The following GSTA2 variants were observed in gnomAD, a reference collection of about 807,000 sequenced individuals.
The protein encoded by GSTA2 is glutathione S-transferase alpha 2, also known as glutathione S-transferase A2.
GSTA2 carries 27 observed loss-of-function variants against 22.4 expected under a neutral mutation model. That is an observed-to-expected ratio of 1.21 (90% CI 0.89 to 1.67). The LOEUF is 1.67. GSTA2 is among the 40% of genes most tolerant of loss of function. The pLI, the probability that GSTA2 is intolerant of heterozygous loss-of-function variation, is 0.00. For synonymous variants in GSTA2, 121 were observed against 86.8 expected (o/e 1.39, Z -2.19); for missense variants, 302 against 260.2 (o/e 1.16, Z -1.11).
At chr6:52,759,574 T>TTTG (rs1762915635) in intron 1 of GSTA2, among the ~76,000 whole-genome samples, 1 of 81,774 alleles carries the variant, frequency 1.2e-5, no homozygotes, top group Non-Finnish European at 2.4e-5. Flanking sequence ...TTTTTTTTTT[T>TTTG]TTTTTTTTTT....
At chr6:52,750,777 T>C in intron 6 of GSTA2, 78 bp from the exon 7 acceptor site, 1 of 1,561,580 alleles carries the variant, frequency 6.4e-7, no homozygotes, top group African/African-American at 1.4e-5. Context: ...CCAGGGAATC[T>C]GAGTCCCTCC....
At chr6:52,762,129 G>T (rs1398417537) in intron 1 of GSTA2, among the ~76,000 whole-genome samples, 2 of 148,578 alleles carry the variant, frequency 1.3e-5, no homozygotes, top group Non-Finnish European at 2.9e-5. Context: ...ACTGCGGAAG[G>T]CCGCAGGGAC....
chr6:52,755,524 T>A (rs1440048801), intron 3 of GSTA2, among the ~76,000 whole-genome samples: 1 of 152,206 alleles, frequency 6.6e-6, no homozygotes, highest in East Asian at 1.9e-4. Context: ...ACAATATGTT[T>A]ATAAAGCTTC....
chr6:52,757,306 A>G (rs2749006), intron 2 of GSTA2, among the ~76,000 whole-genome samples: 21,601 of 124,104 alleles, frequency 0.17, 4,271 homozygotes, highest in African/African-American at 0.5. Flanking sequence ...ACAGAAAAGC[A>G]TAATGATTCT....
intron 1 of GSTA2, among the ~76,000 whole-genome samples, chr6:52,762,942 T>G (rs976720092): frequency 6.6e-6 from 1 of 152,218 alleles, no homozygotes; most frequent in South Asian, 2.1e-4. Flanking sequence ...AGAATATGAC[T>G]TGTCGTCGAG....
chr6:52,759,286 A>G (rs1467397966), intron 1 of GSTA2, among the ~76,000 whole-genome samples: 1 of 152,184 alleles, frequency 6.6e-6, no homozygotes, highest in African/African-American at 2.4e-5. Context: ...CCCTTGCTCT[A>G]TGCCAGGCTG....
chr6:52,755,515 C>T (rs1317944429), intron 3 of GSTA2, among the ~76,000 whole-genome samples: 1 of 152,160 alleles, frequency 6.6e-6, no homozygotes, highest in South Asian at 2.1e-4. Flanking sequence ...CCAGTCCAAA[C>T]AATATGTTTA....
At chr6:52,761,559 G>C (rs1199395188) in intron 1 of GSTA2, among the ~76,000 whole-genome samples, 6 of 147,204 alleles carry the variant, frequency 4.1e-5, no homozygotes, top group Non-Finnish European at 5.9e-5. Context: ...CTCTCTCTTT[G>C]CTTTTTAGCT....
Position 52,752,851 on chromosome 6 carries a change from T to C in GSTA2, c.414+3A>G. On this transcript the variant is annotated splice_donor_region_variant and intron_variant, in intron 5 of 6. Transcript: ENST00000493422. ...CCCCAAAACACTGAACAGCTTCACT[T>C]ACTTTTTCAAAGGCAGGGAAGTAGC... 1 of 1,613,780 alleles carries C rather than the reference T, an allele frequency of 6.2e-7. No individual in the cohort carries two copies. The highest frequency in any genetic ancestry group is 8.5e-7 in the Non-Finnish European group (1 of 1,179,794).
At chr6:52,759,338 C>G (rs1470413950) in intron 1 of GSTA2, among the ~76,000 whole-genome samples, 1 of 152,070 alleles carries the variant, frequency 6.6e-6, no homozygotes, top group Admixed American at 6.6e-5. Context: ...GAATGAAAAC[C>G]AGTGGCTGCA....
Position 52,758,497 on chromosome 6 carries a change from G to T in GSTA2, c.-30-520C>A, listed in dbSNP as rs1328806794. ...ACACCAAGGACTAAAATGAAATCATGCCTGGAAGCCAGCTGGGTGAAGGCC... is the reference window on the plus strand; with the variant it reads ...ACACCAAGGACTAAAATGAAATCATTCCTGGAAGCCAGCTGGGTGAAGGCC... On this transcript the variant is annotated intron_variant, in intron 1 of 6. Transcript: ENST00000493422. Among the ~76,000 whole-genome samples the T allele has an allele frequency of 3.3e-5, 5 of 152,120 alleles. No homozygotes were observed. The South Asian group carries it at 6.2e-4, about 19-fold the overall frequency.
intron 1 of GSTA2, among the ~76,000 whole-genome samples, chr6:52,760,267 T>G (rs1412775834): frequency 6.6e-6 from 1 of 152,212 alleles, no homozygotes; most frequent in Non-Finnish European, 1.5e-5. Flanking sequence ...CAAAAGGAAG[T>G]GAAATTTTAT....
chr6:52,762,825 G>A (rs879111107), intron 1 of GSTA2, among the ~76,000 whole-genome samples: 18 of 152,118 alleles, frequency 1.2e-4, no homozygotes, highest in Admixed American at 6.6e-4. Flanking sequence ...TCCTAGAGTG[G>A]GCAGGACAGA....
chr6:52,759,567 T>A (rs1184472782), intron 1 of GSTA2, among the ~76,000 whole-genome samples: 4 of 42,122 alleles, frequency 9.5e-5, no homozygotes, highest in South Asian at 9.1e-4. Flanking sequence ...TTATTTGTTT[T>A]TTTTTTTTTT....
intron 4 of GSTA2, among the ~76,000 whole-genome samples, chr6:52,753,995 C>T (rs887468530): frequency 6.6e-6 from 1 of 152,134 alleles, no homozygotes; most frequent in African/African-American, 2.4e-5. Context: ...TTCTGTGTCT[C>T]GTGTATTTTA....
At position 52,755,077 on chromosome 6, in the gene GSTA2, T is replaced by A; in HGVS notation, c.140-2A>T. 2 of 1,614,026 alleles carry A rather than the reference T, an allele frequency of 1.2e-6. No individual in the cohort carries two copies. Among genetic ancestry groups the A allele is most frequent in the Non-Finnish European group, 1.7e-6 (2 of 1,179,998 alleles). Reference sequence around the variant, plus strand: ...CTTGCTGGAACATCAAATATCCATCTTTAAGAGGAAGAAAAAAAAGGAGAG... The same window carrying A: ...CTTGCTGGAACATCAAATATCCATCATTAAGAGGAAGAAAAAAAAGGAGAG... On this transcript the variant is annotated splice_acceptor_variant, in intron 3 of 6. Coordinates refer to ENST00000493422, the MANE Select transcript of GSTA2 (RefSeq NM_000846.5). LOFTEE classifies it high-confidence loss of function.
At chr6:52,762,408 A>G (rs1246420280) in intron 1 of GSTA2, among the ~76,000 whole-genome samples, 1 of 152,218 alleles carries the variant, frequency 6.6e-6, no homozygotes, top group Non-Finnish European at 1.5e-5. Flanking sequence ...AAACTGCCTT[A>G]AGGCTGGAGG....
chr6:52,755,254 G>A (rs910820132), intron 3 of GSTA2, among the ~76,000 whole-genome samples, 179 bp from the exon 4 acceptor site: 8 of 132,030 alleles, frequency 6.1e-5, no homozygotes, highest in African/African-American at 2.3e-4. Context: ...TCATTCTGTT[G>A]TCCAGGCTGG....
At chr6:52,751,765 G>A in intron 5 of GSTA2, 57 bp from the exon 6 acceptor site, 1 of 1,612,846 alleles carries the variant, frequency 6.2e-7, no homozygotes, top group Non-Finnish European at 8.5e-7. Context: ...TGGGACCCCT[G>A]CTTCTTTCAG....
Sources: gnomAD v4.1 joint callset for allele counts (sites outside exome capture counted in the v4.1 genomes callset) on GRCh38, gnomAD v4.1.1 for gene constraint, MANE v1.5 for transcripts, NCBI Gene and HGNC (gene_info 2026-07-23, HGNC 2026-07-21) for gene names.